Variants in ESRRG observed in about 807,000 individuals in gnomAD.
ESRRG encodes the protein estrogen-related receptor gamma.
A neutral mutation model predicts 44.0 loss-of-function variants in ESRRG; 13 were observed. The observed-to-expected ratio is 0.30, with a 90% CI of 0.19 to 0.47. ESRRG has a LOEUF of 0.47. Ranked by LOEUF, ESRRG falls within the 20% of genes least tolerant of loss-of-function variation. ESRRG has a pLI of 1.00. For synonymous variants in ESRRG, 215 were observed against 214.6 expected, an observed-to-expected ratio of 1.00 and a Z score of -0.02; for missense variants, 395 against 580.6, an observed-to-expected ratio of 0.68 and a Z score of 3.29.
intron 1 of ESRRG, among the ~76,000 whole-genome samples, chr1:216,943,192 G>A (rs1442573849): frequency 6.6e-6 from 1 of 152,146 alleles, no homozygotes; most frequent in Non-Finnish European, 1.5e-5. Flanking sequence ...GAGAGAGGAA[G>A]AGAAAGCCTC....
Position 216,574,927 on chromosome 1 carries a change from C to T in ESRRG, c.590-6829G>A, listed in dbSNP as rs74968747. ...TGCCTAAAGCCACCTCCCTCCTTCC[C>T]TTGGGAAAGAGAAATATCCAACAGC... On this transcript the variant is annotated intron_variant, in intron 3 of 6. Coordinates refer to ENST00000408911, the MANE Select transcript of ESRRG (RefSeq NM_001438.4). Among the ~76,000 whole-genome samples, 651 of 152,218 alleles carry T rather than the reference C, an allele frequency of 4.3e-3. 6 individuals are homozygous for T. Among genetic ancestry groups the T allele is most frequent in the African/African-American group, 0.012 (518 of 41,552 alleles).
At chr1:217,030,116 A>G (rs2081851111) in intron 1 of ESRRG, among the ~76,000 whole-genome samples, 1 of 152,138 alleles carries the variant, frequency 6.6e-6, no homozygotes, top group African/African-American at 2.4e-5. Context: ...GGCAGTGCCT[A>G]CACAGAGATT....
intron 1 of ESRRG, among the ~76,000 whole-genome samples, chr1:216,971,175 T>G (rs1391634091): frequency 1.3e-5 from 2 of 152,176 alleles, no homozygotes; most frequent in African/African-American, 2.4e-5. Flanking sequence ...AAAAAAAATA[T>G]GTTCTCTCCT....
intron 3 of ESRRG, among the ~76,000 whole-genome samples, chr1:216,610,551 A>T (rs1443638791): frequency 6.6e-6 from 1 of 152,148 alleles, no homozygotes; most frequent in Non-Finnish European, 1.5e-5. Context: ...TGCCTAAAGC[A>T]CTTAATTTGA....
intron 2 of ESRRG, among the ~76,000 whole-genome samples, chr1:216,916,963 G>T (rs189868960): frequency 7.0e-6 from 1 of 142,804 alleles, no homozygotes; most frequent in African/African-American, 2.6e-5. Flanking sequence ...TAATCTGGGC[G>T]GGGCTCAGTG....
intron 2 of ESRRG, among the ~76,000 whole-genome samples, chr1:216,853,390 A>C (rs1415793491): frequency 6.6e-6 from 1 of 151,570 alleles, no homozygotes; most frequent in East Asian, 1.9e-4. Flanking sequence ...AAATTCTAAC[A>C]TGAGAAATCA....
chr1:217,002,189 C>T (rs569601212), intron 1 of ESRRG, among the ~76,000 whole-genome samples: 14 of 151,530 alleles, frequency 9.2e-5, no homozygotes, highest in African/African-American at 2.9e-4. Context: ...GTAATTCCAG[C>T]TACCCTGGTG....
chr1:216,847,433 G>A (rs551220352), intron 2 of ESRRG, among the ~76,000 whole-genome samples: 1 of 152,182 alleles, frequency 6.6e-6, no homozygotes, highest in East Asian at 1.9e-4. Flanking sequence ...GATTTAACTG[G>A]AGTAGAAAGG....
intron 2 of ESRRG, among the ~76,000 whole-genome samples, chr1:216,819,163 C>A (rs2095231955): frequency 6.6e-6 from 1 of 152,178 alleles, no homozygotes; most frequent in Non-Finnish European, 1.5e-5. Flanking sequence ...AATTGTCACA[C>A]TGTCTTCCAC....
intron 1 of ESRRG, among the ~76,000 whole-genome samples, chr1:216,994,181 G>T (rs547812437): frequency 6.6e-6 from 1 of 152,242 alleles, no homozygotes; most frequent in East Asian, 1.9e-4. Flanking sequence ...GACTGGTAAT[G>T]GGCTATAGAG....
chr1:216,660,563 A>T (rs1414388126), intron 2 of ESRRG, among the ~76,000 whole-genome samples: 3 of 152,254 alleles, frequency 2.0e-5, no homozygotes, highest in Non-Finnish European at 4.4e-5. Flanking sequence ...AAAAGTAATT[A>T]ATTGAATGTT....
chr1:216,733,174 T>C (rs754014030), intron 2 of ESRRG, among the ~76,000 whole-genome samples: 28 of 152,192 alleles, frequency 1.8e-4, no homozygotes, highest in Non-Finnish European at 3.7e-4. Flanking sequence ...ACATAACAGC[T>C]TTCAAACATT....
rs1574787806 is a variant in ESRRG at position 216,651,733 on chromosome 1, G to A, written c.473-644C>T. ...ATCATTATCATCCTCATCATGATGTGTGTTACATAATTTGCATAATTAATT... is the reference window on the plus strand; with the variant it reads ...ATCATTATCATCCTCATCATGATGTATGTTACATAATTTGCATAATTAATT... On this transcript the variant is annotated intron_variant, in intron 2 of 6. Transcript: ENST00000408911. Among the ~76,000 whole-genome samples, 3 of 152,254 alleles carry A rather than the reference G, an allele frequency of 2.0e-5. No individual in the cohort carries two copies. In the East Asian group the frequency reaches 5.8e-4, roughly 29 times the overall value.
chr1:216,956,989 G>A (rs2068070670), intron 1 of ESRRG, among the ~76,000 whole-genome samples: 1 of 152,092 alleles, frequency 6.6e-6, no homozygotes, highest in African/African-American at 2.4e-5. Context: ...ATTAAAGGCA[G>A]GTTATGAAAA....
At chr1:216,592,579 C>T (rs996013726) in intron 3 of ESRRG, among the ~76,000 whole-genome samples, 1 of 152,192 alleles carries the variant, frequency 6.6e-6, no homozygotes, top group African/African-American at 2.4e-5. Flanking sequence ...TGGCTCACTG[C>T]AACCTCCACC....
At chr1:216,540,258 G>T (rs542550646) in intron 5 of ESRRG, among the ~76,000 whole-genome samples, 2 of 152,040 alleles carry the variant, frequency 1.3e-5, no homozygotes, top group East Asian at 1.9e-4. Flanking sequence ...GATAAAACAG[G>T]TGTAAACTTC....
intron 2 of ESRRG, among the ~76,000 whole-genome samples, chr1:216,875,173 A>T (rs2096329760): frequency 6.6e-6 from 1 of 152,158 alleles, no homozygotes; most frequent in African/African-American, 2.4e-5. Flanking sequence ...TCCTCTAGAG[A>T]ACCCTAATAC....
chr1:217,124,523 C>T (rs576985278), intron 1 of ESRRG, among the ~76,000 whole-genome samples: 2 of 152,266 alleles, frequency 1.3e-5, no homozygotes, highest in South Asian at 2.1e-4. Flanking sequence ...GAACTCTCCA[C>T]GTGCATGAAT....
At chr1:216,559,391 G>A (rs2058260035) in intron 5 of ESRRG, among the ~76,000 whole-genome samples, 2 of 152,212 alleles carry the variant, frequency 1.3e-5, no homozygotes, top group Non-Finnish European at 2.9e-5. Context: ...CGTAAATTGA[G>A]TTATGGGATG....
Sources: allele counts gnomAD v4.1 joint callset (sites outside exome capture counted in the v4.1 genomes callset), GRCh38; gene constraint gnomAD v4.1.1; transcripts MANE v1.5; gene names NCBI Gene and HGNC (gene_info 2026-07-23, HGNC 2026-07-21).